The following HDAC4 variants were observed in gnomAD, a reference collection of about 807,000 sequenced individuals.
HDAC4 encodes the protein histone deacetylase 4, also known as histone deacetylase A.
HDAC4 carries 16 observed loss-of-function variants against 135.1 expected under a neutral mutation model. The ratio of observed to expected loss-of-function variants is 0.12; its 90% CI spans 0.08 to 0.18. The LOEUF (loss-of-function observed/expected upper bound fraction) is 0.18. Among genes scored for constraint, HDAC4 ranks in the 10% least tolerant of loss-of-function variants. The pLI is 1.00. For synonymous variants in HDAC4, 685 were observed against 653.4 expected, an observed-to-expected ratio of 1.05 and a Z score of -0.74; for missense variants, 1,143 against 1,511.8, an observed-to-expected ratio of 0.76 and a Z score of 4.05.
chr2:239,337,155 C>T (rs775891524), intron 2 of HDAC4, among the ~76,000 whole-genome samples: 1 of 152,190 alleles, frequency 6.6e-6, no homozygotes, highest in Non-Finnish European at 1.5e-5. Flanking sequence ...TTAACACACA[C>T]CCACTCCACT....
intron 12 of HDAC4, among the ~76,000 whole-genome samples, chr2:239,118,986 GAGCAGGGGTGCCAGGTGC>G (rs1259074873): frequency 2.0e-5 from 3 of 152,204 alleles, no homozygotes; most frequent in Non-Finnish European, 2.9e-5. Context: ...CTGTCGCTGT[GAGCAGGGGTGCCAGGTGC>G]AGCAGGGGCG....
rs74994712 is a variant in HDAC4, at chr2:239,392,050, T to C, written c.-220+8928A>G. On this transcript the variant is annotated intron_variant, in intron 1 of 26. Transcript: ENST00000543185. ...ATCCCCACCAGCTTGGGAGGTGAGT[T>C]GGATGCTCCCACACCAGGCCCCATC... Among the ~76,000 whole-genome samples, 1,237 of 152,284 alleles carry C rather than the reference T, an allele frequency of 8.1e-3. 14 individuals are homozygous for C. Among genetic ancestry groups the C allele is most frequent in the African/African-American group, 0.028 (1,166 of 41,566 alleles).
rs548895095 is a variant in HDAC4, at chr2:239,051,054, A to C, written c.*2043T>G. On this transcript the variant is annotated 3_prime_UTR_variant, in exon 27 of 27. Transcript: ENST00000543185. Reference sequence around the variant, plus strand: ...TTTGGAAAACTCAAGTTAGAATTCTATCCTGACGATGTGGTCAGAGAAGTT... The same window carrying C: ...TTTGGAAAACTCAAGTTAGAATTCTCTCCTGACGATGTGGTCAGAGAAGTT... The C allele has an allele frequency of 6.6e-6, 1 of 152,658 alleles. No individual in the cohort carries two copies. The highest frequency in any genetic ancestry group is 1.5e-5 in the Non-Finnish European group (1 of 68,052). The allele number at this position is 152,658 out of a possible 1,614,324, so 9.5% of individuals were successfully genotyped here.
intron 6 of HDAC4, among the ~76,000 whole-genome samples, chr2:239,162,515 G>A (rs7581200): frequency 0.52 from 79,661 of 152,086 alleles, 21,630 homozygotes; most frequent in South Asian, 0.75. Flanking sequence ...GGCTCTGGGG[G>A]CACAGATCGG....
intron 3 of HDAC4, among the ~76,000 whole-genome samples, chr2:239,209,385 T>C (rs779506529): frequency 1.3e-5 from 2 of 152,136 alleles, no homozygotes; most frequent in Admixed American, 6.5e-5. Context: ...CCAAAGAGGG[T>C]AGATGCAGGT....
At chr2:239,183,084 T>C (rs1322585987) in intron 4 of HDAC4, among the ~76,000 whole-genome samples, 4 of 152,220 alleles carry the variant, frequency 2.6e-5, no homozygotes, top group Non-Finnish European at 5.9e-5. Flanking sequence ...ACTGAAACTA[T>C]AATGAGCAAT....
At position 239,256,901 on chromosome 2, in the gene HDAC4, C is replaced by T. The variant is rs1403589243; in HGVS notation, c.23-20237G>A. ...TTCCATTTGTTAGAATGCAGGTATA[C>T]TGCTAATCGGATCCACTAGACCAAG... On this transcript the variant is annotated intron_variant, in intron 2 of 26. Coordinates refer to ENST00000543185, the MANE Select transcript of HDAC4 (RefSeq NM_001378414.1). 2.0e-5 allele frequency among the ~76,000 whole-genome samples: 3 copies of T among 152,204 alleles called. No individual in the cohort carries two copies. The East Asian group carries it at 5.8e-4, about 29-fold the overall frequency.
At chr2:239,224,871 T>C (rs922410256) in intron 3 of HDAC4, among the ~76,000 whole-genome samples, 7 of 152,266 alleles carry the variant, frequency 4.6e-5, no homozygotes, top group Non-Finnish European at 8.8e-5. Flanking sequence ...ATATTGTAGG[T>C]AATTTACAAT....
rs140596122 is a variant in HDAC4, at chr2:239,176,461, G to A, written c.442C>T (p.Arg148Trp). 19 of 1,613,158 alleles carry A rather than the reference G, an allele frequency of 1.2e-5. No homozygotes were observed. Among genetic ancestry groups the A allele is most frequent in the African/African-American group, 6.7e-5 (5 of 74,872 alleles). ...RQEQELEKQH[R>W]EQKLQQLKNK... The stretch of plus-strand genomic sequence containing the variant: ...TTGAGCTGCTGCAGCTTCTGCTCCC[G>A]GTGCTGCTTCTCCAGCTCCTGCTCC... The change falls in exon 5 of 27, where the codon CGG becomes TGG. Residue 148 changes from arginine to tryptophan, a missense_variant. This residue lies in a region of HDAC4 where 247 missense variants were observed against 310.0 expected (regional missense o/e 0.80). Coordinates refer to ENST00000543185, the MANE Select transcript of HDAC4 (RefSeq NM_001378414.1).
chr2:239,289,010 C>T (rs187131297), intron 2 of HDAC4, among the ~76,000 whole-genome samples: 2 of 152,196 alleles, frequency 1.3e-5, no homozygotes, highest in Admixed American at 6.5e-5. Flanking sequence ...GCGGCTGCAG[C>T]GCCTGTCAAG....
rs1209246028 is a variant in HDAC4 at position 239,049,599 on chromosome 2, AAAC to A, written c.*3495_*3497del. 5.2e-5 allele frequency: 8 copies of A among 152,730 alleles called. No homozygotes were observed. The highest frequency in any genetic ancestry group is 1.9e-4 in the African/African-American group (8 of 41,590). The allele number at this position is 152,730 out of a possible 1,614,324, so 9.5% of individuals were successfully genotyped here. ...GAAGGAATGTTCTGATCAAAAAGAAAAACAACAAAGTCCATTGCTAGTGCTGCA... is the reference window on the plus strand; with the variant it reads ...GAAGGAATGTTCTGATCAAAAAGAAAAACAAAGTCCATTGCTAGTGCTGCA... On this transcript the variant is annotated 3_prime_UTR_variant, in exon 27 of 27. Coordinates refer to ENST00000543185, the MANE Select transcript of HDAC4 (RefSeq NM_001378414.1).
chr2:239,354,425 C>G (rs534688341), intron 1 of HDAC4, among the ~76,000 whole-genome samples: 1 of 152,180 alleles, frequency 6.6e-6, no homozygotes, highest in Non-Finnish European at 1.5e-5. Flanking sequence ...CTAGATGAAC[C>G]CAAAAGAGAC....
At chr2:239,114,401 T>A (rs1403539788) in intron 13 of HDAC4, among the ~76,000 whole-genome samples, 1 of 152,216 alleles carries the variant, frequency 6.6e-6, no homozygotes, top group African/African-American at 2.4e-5. Flanking sequence ...GCCACTTTCC[T>A]GAGGGCACTC....
Position 239,126,554 on chromosome 2 carries a change from C to A in HDAC4, c.1435G>T (p.Ala479Ser), listed in dbSNP as rs766316097. The change falls in exon 12 of 27, where the codon GCC becomes TCC. Residue 479 changes from alanine (A) to serine (S), a missense_variant. Physicochemically the swap from Ala to Ser is moderately conservative, Grantham distance 99. Transcript: ENST00000543185. Reference protein sequence around the residue: ...RTQSAPLPQNAQALQHLVIQQ... With the variant: ...RTQSAPLPQNSQALQHLVIQQ... Reference sequence around the variant, plus strand: ...ATGACCAGGTGCTGCAGAGCCTGGGCGTTCTGGGGCAGCGGGGCCGACTGG... The same window carrying A: ...ATGACCAGGTGCTGCAGAGCCTGGGAGTTCTGGGGCAGCGGGGCCGACTGG... The A allele has an allele frequency of 1.4e-5, 23 of 1,613,514 alleles. No individual in the cohort carries two copies. Among genetic ancestry groups the A allele is most frequent in the Non-Finnish European group, 1.8e-5 (21 of 1,179,904 alleles).
intron 4 of HDAC4, among the ~76,000 whole-genome samples, chr2:239,188,972 C>A (rs2044726281): frequency 6.6e-6 from 1 of 152,274 alleles, no homozygotes; most frequent in Non-Finnish European, 1.5e-5. Context: ...GAGACCCCAT[C>A]AGCGAAGCTG....
At chr2:239,359,814 C>G (rs1693744957) in intron 1 of HDAC4, among the ~76,000 whole-genome samples, 1 of 152,136 alleles carries the variant, frequency 6.6e-6, no homozygotes, top group African/African-American at 2.4e-5. Flanking sequence ...ACGAGTGGAT[C>G]TGACATGAGG....
intron 2 of HDAC4, among the ~76,000 whole-genome samples, chr2:239,263,255 G>A (rs113644416): frequency 7.3e-5 from 11 of 149,966 alleles, no homozygotes; most frequent in South Asian, 2.1e-4. Flanking sequence ...CCCGAAGCCC[G>A]CCCTGAGGAC....
At chr2:239,152,831 C>A (rs375413537) in intron 7 of HDAC4, among the ~76,000 whole-genome samples, 2 of 152,144 alleles carry the variant, frequency 1.3e-5, no homozygotes, top group African/African-American at 4.8e-5. Flanking sequence ...AGAAAAAAAT[C>A]AAAAACACCC....
chr2:239,120,512 CAG>C (rs1370688290), intron 12 of HDAC4, among the ~76,000 whole-genome samples: 15 of 150,614 alleles, frequency 1.0e-4, no homozygotes, highest in South Asian at 4.2e-4. Context: ...CACAGGCACA[CAG>C]AGACAAGGAG....
Sources: allele counts gnomAD v4.1 joint callset (sites outside exome capture counted in the v4.1 genomes callset), GRCh38; gene constraint gnomAD v4.1.1; regional missense constraint gnomAD v4.1.1; transcripts MANE v1.5; gene names NCBI Gene and HGNC (gene_info 2026-07-23, HGNC 2026-07-21).